Variants in KAZN observed in about 807,000 individuals in gnomAD.
KAZN encodes kazrin.
In KAZN, 40 loss-of-function variants were observed where a neutral mutation model predicts 87.4. That is an observed-to-expected ratio of 0.46 (90% confidence interval 0.36 to 0.60). The LOEUF (loss-of-function observed/expected upper bound fraction) is 0.60. Ranked by LOEUF, KAZN falls within the 20% of genes least tolerant of loss-of-function variation. The pLI, the probability that KAZN is intolerant of heterozygous loss-of-function variation, is 0.00. For synonymous variants in KAZN, 466 were observed against 458.3 expected (o/e 1.02, Z -0.22); for missense variants, 898 against 1,073.9 (o/e 0.84, Z 2.29).
intron 1 of KAZN, among the ~76,000 whole-genome samples, chr1:14,086,362 C>T (rs1383221500): frequency 6.6e-6 from 1 of 152,100 alleles, no homozygotes; most frequent in Non-Finnish European, 1.5e-5. Context: ...CCCAGGTCTC[C>T]CCCAACAGGA....
At chr1:14,277,662 GA>G (rs368768615) in intron 2 of KAZN, among the ~76,000 whole-genome samples, 7,185 of 112,252 alleles carry the variant, frequency 0.064, 162 homozygotes, top group Middle Eastern at 0.089. Flanking sequence ...ACTCCCTCTT[GA>G]AAAAAAAAAA....
At chr1:14,931,785 G>T (rs1353441242) in intron 1 of KAZN, among the ~76,000 whole-genome samples, 1 of 152,180 alleles carries the variant, frequency 6.6e-6, no homozygotes, top group African/African-American at 2.4e-5. Context: ...CCAGGCTGGA[G>T]CACAGGGACG....
chr1:14,994,542 A>G (rs1201582784), intron 2 of KAZN, among the ~76,000 whole-genome samples: 2 of 152,220 alleles, frequency 1.3e-5, no homozygotes, highest in Non-Finnish European at 2.9e-5. Context: ...CACCCCGGGA[A>G]TAGTCACCTT....
chr1:14,391,719 G>A (rs1395051008), intron 2 of KAZN: 4 of 152,330 alleles, frequency 2.6e-5, no homozygotes, highest in African/African-American at 9.6e-5. Flanking sequence ...GGGCTCAGGA[G>A]ACACATACAG....
intron 2 of KAZN, among the ~76,000 whole-genome samples, chr1:14,980,512 C>T (rs543475043): frequency 1.3e-4 from 20 of 152,216 alleles, no homozygotes; most frequent in African/African-American, 4.6e-4. Context: ...GCCCACCTGC[C>T]CCCCTGGACA....
In KAZN at chr1:13,981,095, A is replaced by ATATATATATATATATATATATATATGTG. The variant is rs1196413078; in HGVS notation, c.91+87354_91+87355insATATATATATGTGTATATATATATATAT. On this transcript the variant is annotated intron_variant, in intron 1 of 16. Coordinates refer to the KAZN transcript ENST00000636203. The stretch of plus-strand genomic sequence containing the variant: ...AGGTATAAAAAATTACTCTTTATAT[A>ATATATATATATATATATATATATATGTG]TATATATATATATATGTATATATAA... Among the ~76,000 whole-genome samples, 113 of 104,238 alleles carry ATATATATATATATATATATATATATGTG rather than the reference A, an allele frequency of 1.1e-3. 5 individuals are homozygous for ATATATATATATATATATATATATATGTG. The highest frequency in any genetic ancestry group is 3.6e-3 in the African/African-American group (91 of 25,572). The allele number at this position is 104,238 out of a possible 152,430, so 68.4% of individuals were successfully genotyped here. A position where few individuals can be genotyped will look rare whatever the true frequency, so the allele number is the denominator to read the frequency against.
At chr1:14,713,517 TG>T (rs556293642) in intron 1 of KAZN, among the ~76,000 whole-genome samples, 25 of 152,082 alleles carry the variant, frequency 1.6e-4, no homozygotes, top group Non-Finnish European at 3.5e-4. Context: ...GAGATATTTT[TG>T]GTTATCACAA....
chr1:13,931,611 A>G (rs929806088), intron 1 of KAZN, among the ~76,000 whole-genome samples: 2 of 152,082 alleles, frequency 1.3e-5, no homozygotes, highest in South Asian at 2.1e-4. Context: ...TGACTTCTCC[A>G]TTATCCAGAC....
At chr1:14,628,642 A>G (rs947639742) in intron 1 of KAZN, among the ~76,000 whole-genome samples, 2 of 152,160 alleles carry the variant, frequency 1.3e-5, no homozygotes, top group African/African-American at 2.4e-5. Flanking sequence ...TACAGAATCT[A>G]TTTTCACAAA....
chr1:14,466,764 G>C (rs12057456), intron 2 of KAZN, among the ~76,000 whole-genome samples: 3,939 of 151,878 alleles, frequency 0.026, 145 homozygotes, highest in African/African-American at 0.088. Flanking sequence ...GTCAGGAGAT[G>C]GAGACCATCC....
At chr1:14,452,024 C>T (rs1667306144) in intron 2 of KAZN, among the ~76,000 whole-genome samples, 1 of 152,202 alleles carries the variant, frequency 6.6e-6, no homozygotes, top group South Asian at 2.1e-4. Context: ...ACTGCAGCCT[C>T]CGTCTCCTGG....
intron 2 of KAZN, among the ~76,000 whole-genome samples, chr1:14,486,671 C>T (rs1455357937): frequency 6.6e-6 from 1 of 152,186 alleles, no homozygotes; most frequent in East Asian, 1.9e-4. Context: ...AGCAGATAGA[C>T]ATTTTGATAA....
At chr1:14,404,264 T>A (rs762103659) in intron 2 of KAZN, among the ~76,000 whole-genome samples, 1 of 152,166 alleles carries the variant, frequency 6.6e-6, no homozygotes, top group African/African-American at 2.4e-5. Flanking sequence ...GAACCTCAGG[T>A]AGCCCTTTCC....
At chr1:13,961,338 T>G (rs1032138201) in intron 1 of KAZN, among the ~76,000 whole-genome samples, 1 of 152,210 alleles carries the variant, frequency 6.6e-6, no homozygotes, top group African/African-American at 2.4e-5. Flanking sequence ...TACAAATTCC[T>G]GACCTCATGA....
At chr1:14,105,009 G>A (rs370796338) in intron 1 of KAZN, among the ~76,000 whole-genome samples, 1 of 152,122 alleles carries the variant, frequency 6.6e-6, no homozygotes, top group Admixed American at 6.5e-5. Context: ...CCTTATCTGT[G>A]GAGGGTGGTC....
intron 2 of KAZN, among the ~76,000 whole-genome samples, chr1:14,311,483 G>A (rs1404015970): frequency 1.3e-5 from 2 of 152,264 alleles, no homozygotes; most frequent in East Asian, 3.9e-4. Flanking sequence ...CGGGGCTATA[G>A]AGATTTAGAG....
intron 2 of KAZN, among the ~76,000 whole-genome samples, chr1:14,261,986 T>C (rs1243924259): frequency 6.6e-6 from 1 of 152,182 alleles, no homozygotes. Context: ...AGGGGACACA[T>C]AGAAGAACCC....
At chr1:14,307,991 G>C (rs1424535229) in intron 2 of KAZN, among the ~76,000 whole-genome samples, 1 of 152,104 alleles carries the variant, frequency 6.6e-6, no homozygotes, top group Non-Finnish European at 1.5e-5. Flanking sequence ...TGGTCTTCCT[G>C]CCAAAAATGT....
chr1:14,502,078 TG>T (rs1420670032), intron 2 of KAZN, among the ~76,000 whole-genome samples: 1 of 152,154 alleles, frequency 6.6e-6, no homozygotes, highest in African/African-American at 2.4e-5. Context: ...TAAAAGCCAC[TG>T]AACTGTAGAC....
Sources: allele counts gnomAD v4.1 joint callset (sites outside exome capture counted in the v4.1 genomes callset), GRCh38; gene constraint gnomAD v4.1.1; transcripts MANE v1.5; gene names NCBI Gene and HGNC (gene_info 2026-07-23, HGNC 2026-07-21).